Variants in PLS3 observed in about 807,000 individuals in gnomAD.
PLS3 encodes plastin 3.
In PLS3, 11 loss-of-function variants were observed where a neutral mutation model predicts 46.5. The observed-to-expected ratio is 0.24, with a 90% CI of 0.15 to 0.39. The LOEUF (loss-of-function observed/expected upper bound fraction) is 0.39. Ranked by LOEUF, PLS3 falls within the 10% of genes least tolerant of loss-of-function variation. The probability of loss-of-function intolerance (pLI) is 1.00; values close to 1 mark genes in which losing one functional copy is unlikely to be tolerated. For synonymous variants in PLS3, 167 were observed against 162.2 expected (o/e 1.03, Z -0.22); for missense variants, 308 against 461.8 (o/e 0.67, Z 3.05).
chrX:115,572,070 A>T (rs915614241), intron 1 of PLS3, among the ~76,000 whole-genome samples: 1 of 112,378 alleles, frequency 8.9e-6, no homozygotes, highest in Admixed American at 9.5e-5. Flanking sequence ...CCAAATTATC[A>T]TTAAGTGTAA....
At chrX:115,604,425 A>G (rs1022285907) in intron 1 of PLS3, among the ~76,000 whole-genome samples, 6 of 112,033 alleles carry the variant, frequency 5.4e-5, no homozygotes, top group African/African-American at 1.9e-4. Context: ...TGTAATCTTC[A>G]TTAGGACCTG....
At chrX:115,586,514 C>CA (rs781961769) in intron 1 of PLS3, among the ~76,000 whole-genome samples, 1,547 of 62,329 alleles carry the variant, frequency 0.025, 27 homozygotes, top group African/African-American at 0.062. Flanking sequence ...ACTAAAAATA[C>CA]AAAAAAAAAA....
chrX:115,644,299 A>G (rs1281581884), intron 10 of PLS3, among the ~76,000 whole-genome samples: 1 of 110,555 alleles, frequency 9.0e-6, no homozygotes, highest in African/African-American at 3.3e-5. Flanking sequence ...CGTAGTCTAT[A>G]AAAATTAAGA....
At chrX:115,576,791 A>C (rs1291308625) in intron 1 of PLS3, among the ~76,000 whole-genome samples, 3 of 112,285 alleles carry the variant, frequency 2.7e-5, no homozygotes, top group South Asian at 3.7e-4. Context: ...AAGTCAAAAA[A>C]AAGGTGCAAC....
At position 115,622,496 on chromosome X, in the gene PLS3, A is replaced by T. The variant is rs2074666712; in HGVS notation, c.237+87A>T. On this transcript the variant is annotated intron_variant, in intron 3 of 15. Coordinates refer to ENST00000355899, the MANE Select transcript of PLS3 (RefSeq NM_005032.7). ...TTATAGTATTAAGTACTGTTATGTTAAGTTCTTAAATATATCATATTAGTA... is the reference window on the plus strand; with the variant it reads ...TTATAGTATTAAGTACTGTTATGTTTAGTTCTTAAATATATCATATTAGTA... The T allele has an allele frequency of 9.1e-6, 5 of 547,148 alleles. No individual in the cohort carries two copies. In the East Asian group the frequency reaches 1.8e-4, roughly 19 times the overall value. 45.1% of individuals were successfully genotyped at this position (547,148 alleles called of 1,213,427 possible). A position where few individuals can be genotyped will look rare whatever the true frequency, so the allele number is the denominator to read the frequency against.
rs1402596827 is a variant in PLS3, at chrX:115,588,588, A to G, written c.-8-21655A>G. On this transcript the variant is annotated intron_variant, in intron 1 of 15. Transcript: ENST00000355899. ...CGTAGTCGCAATTTTTGATGTGACA[A>G]ATACACTGATAGATCTAACCCATGT... is the stretch of plus-strand genomic sequence containing the variant. Among the ~76,000 whole-genome samples, 3 of 112,077 alleles carry G rather than the reference A, an allele frequency of 2.7e-5. No individual in the cohort carries two copies. In the Admixed American group the frequency reaches 2.9e-4, roughly 11 times the overall value.
chrX:115,634,998 A>G lies in PLS3; in HGVS notation c.700A>G (p.Ile234Val). 1.7e-6 allele frequency: 2 copies of G among 1,210,167 alleles called. No individual in the cohort carries two copies. Among genetic ancestry groups the G allele is most frequent in the African/African-American group, 3.5e-5 (2 of 57,737 alleles). ...PHLVLGLLWQ[I>V]IKIGLFADIE... ...TCTGGTTTTGGGACTGCTTTGGCAG[A>G]TCATTAAGATCGGTTTGTTCGCTGA... The change falls in exon 7 of 16, where the codon ATC becomes GTC. Residue 234 changes from isoleucine to valine, a missense_variant. Transcript: ENST00000355899.
intron 1 of PLS3, among the ~76,000 whole-genome samples, chrX:115,586,211 C>T (rs2074307204): frequency 9.3e-6 from 1 of 107,060 alleles, no homozygotes; most frequent in African/African-American, 3.4e-5. Context: ...TCTCGAACTC[C>T]AGACCTCAGG....
At chrX:115,638,418 T>A (rs1257133400) in intron 8 of PLS3, among the ~76,000 whole-genome samples, 2 of 111,108 alleles carry the variant, frequency 1.8e-5, no homozygotes, top group Non-Finnish European at 1.9e-5. Flanking sequence ...CTGATTTTTT[T>A]ATTATTTGTA....
In PLS3 at chrX:115,567,282, T is replaced by C. The variant is rs375343652; in HGVS notation, c.-9+6022T>C. On this transcript the variant is annotated intron_variant, in intron 1 of 15. Coordinates refer to ENST00000355899, the MANE Select transcript of PLS3 (RefSeq NM_005032.7). ...CATAGTGGAAGAGATAATCTATACA[T>C]TTAAGTAGCATGCCATGAATAACAC... 1.7e-4 allele frequency among the ~76,000 whole-genome samples: 19 copies of C among 111,374 alleles called. No homozygotes were observed. In the South Asian group the frequency reaches 3.8e-3, roughly 22 times the overall value.
chrX:115,578,139 C>T (rs1451761596), intron 1 of PLS3, among the ~76,000 whole-genome samples: 1 of 111,522 alleles, frequency 9.0e-6, no homozygotes, highest in Non-Finnish European at 1.9e-5. Context: ...TCACAGAAGG[C>T]ATTACTGAGA....
At chrX:115,634,141 G>C (rs1370648930) in intron 6 of PLS3, 60 bp downstream of exon 6, 21 of 650,729 alleles carry the variant, frequency 3.2e-5, no homozygotes, top group Admixed American at 1.4e-4. Flanking sequence ...CTGTTCTGCA[G>C]ACTTCAGCCT....
intron 1 of PLS3, among the ~76,000 whole-genome samples, chrX:115,586,803 G>C (rs1556632520): frequency 8.9e-6 from 1 of 112,042 alleles, no homozygotes; most frequent in Admixed American, 9.5e-5. Context: ...ATAAGCTGTA[G>C]ATTTTTGTCT....
intron 1 of PLS3, among the ~76,000 whole-genome samples, chrX:115,570,503 C>CTTTTTTT (rs1166812329): frequency 1.2e-5 from 1 of 86,949 alleles, no homozygotes; most frequent in African/African-American, 4.6e-5. Flanking sequence ...TCCTACCTTC[C>CTTTTTTT]TTTTTTTTTT....
intron 11 of PLS3, among the ~76,000 whole-genome samples, 199 bp from the exon 12 acceptor site, chrX:115,645,873 C>T (rs1399382628): frequency 3.6e-5 from 4 of 111,945 alleles, no homozygotes; most frequent in Admixed American, 1.9e-4. Context: ...GCCTTGCTTA[C>T]AGTAAGCTCT....
At chrX:115,587,658 T>C (rs951836931) in intron 1 of PLS3, among the ~76,000 whole-genome samples, 109 of 104,641 alleles carry the variant, frequency 1.0e-3, no homozygotes, top group Non-Finnish European at 1.9e-3. Context: ...TGGCGTGAAC[T>C]AGGGAGGCGG....
chrX:115,645,539 A>G (rs1393903750), intron 11 of PLS3, among the ~76,000 whole-genome samples: 1 of 110,991 alleles, frequency 9.0e-6, no homozygotes, highest in Non-Finnish European at 1.9e-5. Context: ...TAAGTAGACC[A>G]TCCACAACAA....
chrX:115,615,262 T>C (rs1324803988), intron 2 of PLS3, among the ~76,000 whole-genome samples: 1 of 110,779 alleles, frequency 9.0e-6, no homozygotes, highest in Non-Finnish European at 1.9e-5. Context: ...ATAGCTTAAA[T>C]AACAGGATGC....
intron 3 of PLS3, among the ~76,000 whole-genome samples, chrX:115,623,018 C>A (rs1556637876): frequency 9.0e-6 from 1 of 110,588 alleles, no homozygotes. Flanking sequence ...ATTCTTTCAC[C>A]CCCCCACCCC....
Sources: allele counts gnomAD v4.1 joint callset (sites outside exome capture counted in the v4.1 genomes callset), GRCh38; gene constraint gnomAD v4.1.1; transcripts MANE v1.5; gene names NCBI Gene and HGNC (gene_info 2026-07-23, HGNC 2026-07-21).